SLCO2B1: variants seen among roughly 807,000 people sequenced by gnomAD.
SLCO2B1 encodes solute carrier organic anion transporter family member 2B1, also known as OATP-RP2.
Under a neutral mutation model 67.3 loss-of-function variants are expected in SLCO2B1, and 41 were observed. The ratio of observed to expected loss-of-function variants is 0.61; its 90% CI spans 0.47 to 0.79. The LOEUF (loss-of-function observed/expected upper bound fraction) is 0.79, where lower values mean the gene tolerates loss of function less well. SLCO2B1 is among the 30% of genes least tolerant of loss of function. SLCO2B1 has a pLI of 0.00. For synonymous variants in SLCO2B1, 379 were observed against 381.4 expected, an observed-to-expected ratio of 0.99 and a Z score of 0.07; for missense variants, 837 against 920.1, an observed-to-expected ratio of 0.91 and a Z score of 1.17.
At chr11:75,184,320 A>C (rs1296457487) in intron 7 of SLCO2B1, among the ~76,000 whole-genome samples, 1 of 152,226 alleles carries the variant, frequency 6.6e-6, no homozygotes. Flanking sequence ...CTCAGGGTCC[A>C]GCAGGGGAGA....
rs1949885378 is a variant in SLCO2B1, at chr11:75,165,938, A to C, written c.437A>C (p.Asn146Thr). 6.2e-7 allele frequency: 1 copy of C among 1,613,758 alleles called. No individual in the cohort carries two copies. Among genetic ancestry groups the C allele is most frequent in the African/African-American group, 1.3e-5 (1 of 74,904 alleles). ...ATCTCGGAGCCATACCGCTACGACA[A>C]CACCAGCCCTGGTAAGAGCAGCAGG... Reference protein sequence around the residue: ...HFISEPYRYDNTSPEDMPQDF... With the variant: ...HFISEPYRYDTTSPEDMPQDF... The change falls in exon 4 of 14, where the codon AAC becomes ACC. Residue 146 changes from asparagine (N) to threonine (T), a missense_variant. Physicochemically the swap from Asn to Thr is moderately conservative, Grantham distance 65 (BLOSUM62 0). Coordinates refer to ENST00000289575, the MANE Select transcript of SLCO2B1 (RefSeq NM_007256.5).
At position 75,152,820 on chromosome 11, in the gene SLCO2B1, G is replaced by A. The variant is rs117246738; in HGVS notation, c.16+1423G>A. Among the ~76,000 whole-genome samples the A allele has an allele frequency of 3.5e-3, 531 of 152,242 alleles. 8 individuals are homozygous for A. In the East Asian group the frequency reaches 0.049, roughly 14 times the overall value. On this transcript the variant is annotated intron_variant, in intron 1 of 13. Transcript: ENST00000289575. ...GGTGCCATCTCTAGCCTTGCTTCCC[G>A]AGACCCATTCTGGGCTGTGGCCAGG...
At chr11:75,196,728 C>A (rs746453728) in intron 10 of SLCO2B1, 49 bp downstream of exon 10, 2 of 1,562,716 alleles carry the variant, frequency 1.3e-6, no homozygotes, top group Non-Finnish European at 1.7e-6. Context: ...ACTCTGCCTG[C>A]CCTGTCTCTG....
chr11:75,160,705 T>C (rs1315000941), intron 1 of SLCO2B1, among the ~76,000 whole-genome samples: 2 of 152,238 alleles, frequency 1.3e-5, no homozygotes, highest in African/African-American at 4.8e-5. Context: ...TGAGTGTTTA[T>C]GCCCCGCAGA....
chr11:75,192,101 TC>T (rs889097583), intron 8 of SLCO2B1, among the ~76,000 whole-genome samples: 15 of 151,610 alleles, frequency 9.9e-5, no homozygotes, highest in Non-Finnish European at 1.5e-4. Context: ...CCTCCCCAGA[TC>T]CCCCCCACCA....
At chr11:75,174,760 T>A (rs1377926253) in intron 7 of SLCO2B1, among the ~76,000 whole-genome samples, 1 of 152,222 alleles carries the variant, frequency 6.6e-6, no homozygotes, top group African/African-American at 2.4e-5. Flanking sequence ...TGGTTACAGA[T>A]GATCTCCAAA....
rs1945101576 is a variant in SLCO2B1, at chr11:75,196,699, G to A, written c.1599+20G>A. 2 of 1,607,200 alleles carry A rather than the reference G, an allele frequency of 1.2e-6. No homozygotes were observed. Among genetic ancestry groups the A allele is most frequent in the Admixed American group, 1.7e-5 (1 of 59,646 alleles). On this transcript the variant is annotated intron_variant, in intron 10 of 13. Coordinates refer to ENST00000289575, the MANE Select transcript of SLCO2B1 (RefSeq NM_007256.5). ...AGCCAGGTGAGTCAGGCCTCTCGTG[G>A]CAACCTCTGCCCCTCAGGACTCTGC...
chr11:75,151,198 G>A lies in SLCO2B1; in HGVS notation c.-184G>A. The A allele has an allele frequency of 1.7e-6, 1 of 602,862 alleles. No homozygotes were observed. The highest frequency in any genetic ancestry group is 3.0e-6 in the Non-Finnish European group (1 of 337,636). The allele number at this position is 602,862 out of a possible 1,614,324, so 37.3% of individuals were successfully genotyped here. A position where few individuals can be genotyped will look rare whatever the true frequency, so the allele number is the denominator to read the frequency against. On this transcript the variant is annotated 5_prime_UTR_variant, in exon 1 of 14. Coordinates refer to ENST00000289575, the MANE Select transcript of SLCO2B1 (RefSeq NM_007256.5). ...CCCTAACCTGTGTCTGGACAAGTCT[G>A]ATGTCCTGTGTGGCCCAAGAAGAAC...
chr11:75,158,938 C>G (rs1027833214), intron 1 of SLCO2B1, among the ~76,000 whole-genome samples: 1 of 152,158 alleles, frequency 6.6e-6, no homozygotes, highest in African/African-American at 2.4e-5. Flanking sequence ...GTCTCTGAAA[C>G]CTTGCTCCTC....
chr11:75,194,502 C>T (rs1432714713), intron 9 of SLCO2B1, among the ~76,000 whole-genome samples: 1 of 152,160 alleles, frequency 6.6e-6, no homozygotes, highest in Admixed American at 6.5e-5. Flanking sequence ...CACCCAGCCC[C>T]TCCCCGTCTG....
intron 10 of SLCO2B1, chr11:75,199,928 G>A (rs1415825071): frequency 7.0e-6 from 3 of 425,640 alleles, no homozygotes; most frequent in Admixed American, 4.1e-5. Flanking sequence ...TGTGTAGAAT[G>A]TGGGGGAATG....
At chr11:75,181,133 C>A (rs548893387) in intron 7 of SLCO2B1, among the ~76,000 whole-genome samples, 1 of 152,258 alleles carries the variant, frequency 6.6e-6, no homozygotes, top group South Asian at 2.1e-4. Context: ...CTTTGGGAGG[C>A]TGAGGCAGGT....
At chr11:75,184,736 C>T (rs1489231684) in intron 7 of SLCO2B1, among the ~76,000 whole-genome samples, 5 of 152,304 alleles carry the variant, frequency 3.3e-5, no homozygotes, top group Middle Eastern at 3.4e-3. Flanking sequence ...TCAGAGGGTA[C>T]GTGGCTCCTC....
At chr11:75,188,285 C>A in intron 8 of SLCO2B1, 47 bp downstream of exon 8, 1 of 1,264,682 alleles carries the variant, frequency 7.9e-7, no homozygotes, top group Non-Finnish European at 1.2e-6. Flanking sequence ...CCAGAGGGGT[C>A]TTCGAGATTG....
Position 75,204,674 on chromosome 11 carries a change from T to C in SLCO2B1, c.*94T>C. 3 of 1,140,762 alleles carry C rather than the reference T, an allele frequency of 2.6e-6. No homozygotes were observed. Among genetic ancestry groups the C allele is most frequent in the Non-Finnish European group, 3.6e-6 (3 of 826,162 alleles). 70.7% of individuals were successfully genotyped at this position (1,140,762 alleles called of 1,614,324 possible). A position where few individuals can be genotyped will look rare whatever the true frequency, so the allele number is the denominator to read the frequency against. On this transcript the variant is annotated 3_prime_UTR_variant, in exon 14 of 14. Coordinates refer to ENST00000289575, the MANE Select transcript of SLCO2B1 (RefSeq NM_007256.5). ...AGATTGGGTGTCAAGAGCCCTGTGT[T>C]CCATTCTGGCTCCTCCACTAAATTG...
At chr11:75,175,666 A>G (rs889077335) in intron 7 of SLCO2B1, among the ~76,000 whole-genome samples, 1 of 152,000 alleles carries the variant, frequency 6.6e-6, no homozygotes, top group Non-Finnish European at 1.5e-5. Context: ...CGGCTCTGAC[A>G]GGTTCAAGGC....
intron 9 of SLCO2B1, among the ~76,000 whole-genome samples, chr11:75,196,016 G>A (rs1004619438): frequency 2.0e-5 from 3 of 152,230 alleles, no homozygotes; most frequent in African/African-American, 7.2e-5. Flanking sequence ...CAGTGAACAG[G>A]GTGGTGGGAG....
At chr11:75,200,542 C>G (rs895834745) in intron 11 of SLCO2B1, 155 bp downstream of exon 11, 1 of 645,358 alleles carries the variant, frequency 1.5e-6, no homozygotes. Context: ...CCATGGCAAC[C>G]TACTGAGGCA....
chr11:75,180,693 G>A (rs1950081978), intron 7 of SLCO2B1, among the ~76,000 whole-genome samples: 1 of 152,190 alleles, frequency 6.6e-6, no homozygotes, highest in African/African-American at 2.4e-5. Flanking sequence ...TACTACAACA[G>A]TAGGAATTAG....
Sources: allele counts gnomAD v4.1 joint callset (sites outside exome capture counted in the v4.1 genomes callset), GRCh38; gene constraint gnomAD v4.1.1; transcripts MANE v1.5; gene names NCBI Gene and HGNC (gene_info 2026-07-23, HGNC 2026-07-21).